Variants in DEUP1 observed in about 807,000 individuals in gnomAD.
DEUP1 encodes coiled-coil domain containing 67.
In DEUP1, 82 loss-of-function variants were observed where a neutral mutation model predicts 87.4. That is an observed-to-expected ratio of 0.94 (90% CI 0.78 to 1.13). The LOEUF is 1.13. Among genes scored for constraint, DEUP1 ranks in the 50% most tolerant of loss-of-function variants. DEUP1 has a pLI of 0.00. For missense variants in DEUP1, 663 were observed against 681.5 expected (o/e 0.97, Z 0.30); for synonymous variants, 214 against 222.7 (o/e 0.96, Z 0.35).
chr11:93,357,081 G>T lies in DEUP1; in HGVS notation c.297+38G>T, dbSNP rs1215266434. The T allele has an allele frequency of 7.1e-6, 9 of 1,267,746 alleles. No individual in the cohort carries two copies. The Admixed American group carries it at 8.0e-5, about 11-fold the overall frequency. 78.5% of individuals were successfully genotyped at this position (1,267,746 alleles called of 1,614,324 possible). On this transcript the variant is annotated intron_variant, in intron 4 of 13. Transcript: ENST00000298050. ...ATTATAATTTAATATCACACATTTT[G>T]ATATATTTTTTTTTACCTGTAGAGT... is the stretch of plus-strand genomic sequence containing the variant.
intron 11 of DEUP1, among the ~76,000 whole-genome samples, chr11:93,397,501 T>G (rs1410415381): frequency 6.6e-6 from 1 of 152,208 alleles, no homozygotes; most frequent in East Asian, 1.9e-4. Context: ...TATTTGTATT[T>G]TTTTTACATT....
rs1945705092 is a variant in DEUP1, at chr11:93,371,202, A to G, written c.711A>G (p.Ile237Met). The G allele has an allele frequency of 5.6e-6, 9 of 1,613,112 alleles. No individual in the cohort carries two copies. The highest frequency in any genetic ancestry group is 6.8e-6 in the Non-Finnish European group (8 of 1,179,416). ...IEKLKSAVNE[I>M]ALSRNKLQDE... ...AACTGAAATCAGCTGTAAATGAGAT[A>G]GCACTAAGCAGGAATAAATTACAAG... Residue 237 changes from isoleucine to methionine, a missense_variant, in exon 7 of 14, where the codon ATA becomes ATG. Coordinates refer to ENST00000298050, the MANE Select transcript of DEUP1 (RefSeq NM_181645.4).
At chr11:93,400,045 TATG>T (rs1453848859) in intron 11 of DEUP1, among the ~76,000 whole-genome samples, 2 of 152,144 alleles carry the variant, frequency 1.3e-5, no homozygotes, top group Non-Finnish European at 2.9e-5. Flanking sequence ...TTTTAGGAAA[TATG>T]ATGTTATGTG....
chr11:93,395,671 C>T lies in DEUP1; in HGVS notation c.1240-568C>T, dbSNP rs532649412. Among the ~76,000 whole-genome samples the T allele has an allele frequency of 2.4e-4, 37 of 152,002 alleles. No individual in the cohort carries two copies. The South Asian group carries it at 6.8e-3, about 28-fold the overall frequency. On this transcript the variant is annotated intron_variant, in intron 10 of 13. Transcript: ENST00000298050. Reference sequence around the variant, plus strand: ...TACAAAATTAAATCTTTTTAAGGCACGTGTTTTATACAGAAATGAGTCCTA... The same window carrying T: ...TACAAAATTAAATCTTTTTAAGGCATGTGTTTTATACAGAAATGAGTCCTA...
intron 7 of DEUP1, among the ~76,000 whole-genome samples, chr11:93,377,265 G>C (rs541758950): frequency 1.7e-3 from 264 of 152,230 alleles, no homozygotes; most frequent in Non-Finnish European, 3.4e-3. Context: ...CTTAGGTCTA[G>C]TGGTAATTGT....
Position 93,356,928 on chromosome 11 carries a change from A to G in DEUP1, c.202-20A>G, listed in dbSNP as rs1200029430. 5 of 1,531,454 alleles carry G rather than the reference A, an allele frequency of 3.3e-6. No individual in the cohort carries two copies. The African/African-American group carries it at 6.9e-5, about 21-fold the overall frequency. 94.9% of individuals were successfully genotyped at this position (1,531,454 alleles called of 1,614,324 possible). ...GGCAAAATTTAGAAAAAGCAAAATT[A>G]AATTTTATTCTTCATGCAGGTAGGG... On this transcript the variant is annotated intron_variant, in intron 3 of 13. Coordinates refer to ENST00000298050, the MANE Select transcript of DEUP1 (RefSeq NM_181645.4).
rs1405441332 is a variant in DEUP1, at chr11:93,408,262, G to T, written c.1358G>T (p.Arg453Met). 5.7e-6 allele frequency: 9 copies of T among 1,582,662 alleles called. No homozygotes were observed. The South Asian group carries it at 1.0e-4, about 18-fold the overall frequency. Reference sequence around the variant, plus strand: ...GACTTCACTAACAGGGAACAGTCAAGGCATACATCTATTAATAAACTGCAA... The same window carrying T: ...GACTTCACTAACAGGGAACAGTCAATGCATACATCTATTAATAAACTGCAA... ...SMDFTNREQS[R>M]HTSINKLQYE... The change falls in exon 12 of 14, where the codon AGG becomes ATG. Residue 453 changes from arginine to methionine, a missense_variant. Transcript: ENST00000298050.
At chr11:93,378,087 C>A (rs1479136959) in intron 7 of DEUP1, among the ~76,000 whole-genome samples, 13 of 152,016 alleles carry the variant, frequency 8.6e-5, no homozygotes, top group Non-Finnish European at 1.9e-4. Flanking sequence ...TGTGCCTAGG[C>A]AATGATCTTT....
rs1555068631 is a variant in DEUP1, at chr11:93,437,747, C to CG, written c.*28_*29insG. ...TTTTAAACTTTTTTATTTGCTTCCC[C>CG]CCCCCACCCCCGCCAAGAAAAAAAG... On this transcript the variant is annotated 3_prime_UTR_variant, in exon 14 of 14. Coordinates refer to ENST00000298050, the MANE Select transcript of DEUP1 (RefSeq NM_181645.4). 3.5e-4 allele frequency: 368 copies of CG among 1,052,654 alleles called. 4 individuals carry two copies. The highest frequency in any genetic ancestry group is 4.5e-4 in the Non-Finnish European group (334 of 736,954). The allele number at this position is 1,052,654 out of a possible 1,614,324, so 65.2% of individuals were successfully genotyped here. A position where few individuals can be genotyped will look rare whatever the true frequency, so the allele number is the denominator to read the frequency against.
At chr11:93,379,929 C>G (rs922197849) in intron 7 of DEUP1, among the ~76,000 whole-genome samples, 8 of 152,172 alleles carry the variant, frequency 5.3e-5, no homozygotes, top group Non-Finnish European at 1.0e-4. Flanking sequence ...ATTGTGAAGT[C>G]TTTTTACTTA....
rs1245475717 is a variant in DEUP1, at chr11:93,385,488, C to G, written c.880C>G (p.His294Asp). 6.2e-7 allele frequency: 1 copy of G among 1,611,108 alleles called. No individual in the cohort carries two copies. Among genetic ancestry groups the G allele is most frequent in the Non-Finnish European group, 8.5e-7 (1 of 1,178,382 alleles). Residue 294 changes from histidine (H) to aspartate (D), a missense_variant, in exon 8 of 14, where the codon CAC becomes GAC. Coordinates refer to ENST00000298050, the MANE Select transcript of DEUP1 (RefSeq NM_181645.4). ...TATAGAAATGGAACGATTGCAATTA[C>G]ACAGAGAATTATTAAAAATAGGAGA... ...RIIEMERLQLHRELLKIGECQ... is the reference protein window; with the variant it reads ...RIIEMERLQLDRELLKIGECQ...
intron 13 of DEUP1, among the ~76,000 whole-genome samples, chr11:93,416,744 C>A (rs541754329): frequency 6.6e-6 from 1 of 151,414 alleles, no homozygotes; most frequent in Middle Eastern, 3.4e-3. Context: ...AATTTTAGAC[C>A]AATATCCTTG....
intron 4 of DEUP1, among the ~76,000 whole-genome samples, chr11:93,362,860 CA>C (rs2134238797): frequency 6.6e-6 from 1 of 151,706 alleles, no homozygotes; most frequent in East Asian, 1.9e-4. Flanking sequence ...GAATATTATT[CA>C]GGTGAATTTT....
chr11:93,437,279 T>C (rs947369790), intron 13 of DEUP1, among the ~76,000 whole-genome samples: 6 of 152,264 alleles, frequency 3.9e-5, no homozygotes, highest in Non-Finnish European at 7.3e-5. Flanking sequence ...GTGAGTGCAT[T>C]GTCCCTGCAT....
chr11:93,415,622 C>T (rs1020976152), intron 13 of DEUP1, among the ~76,000 whole-genome samples: 9 of 151,884 alleles, frequency 5.9e-5, no homozygotes, highest in African/African-American at 2.2e-4. Flanking sequence ...ACTCATGTTC[C>T]CTTCCAGTCT....
intron 12 of DEUP1, among the ~76,000 whole-genome samples, chr11:93,413,372 G>T (rs1161477202): frequency 1.3e-5 from 2 of 152,020 alleles, no homozygotes; most frequent in Non-Finnish European, 2.9e-5. Context: ...CTCCTGAGTA[G>T]CTGGGACTAC....
chr11:93,435,927 T>C lies in DEUP1; in HGVS notation c.1639-1616T>C, dbSNP rs931277801. Among the ~76,000 whole-genome samples the C allele has an allele frequency of 3.4e-5, 5 of 145,536 alleles. No individual in the cohort carries two copies. The East Asian group carries it at 6.0e-4, about 18-fold the overall frequency. ...AGGAGAATGGCGTGAACCCGGGAGG[T>C]GGAGCTTGCAGTGAGCCGAGATCAC... is the stretch of plus-strand genomic sequence containing the variant. On this transcript the variant is annotated intron_variant, in intron 13 of 13. Transcript: ENST00000298050.
chr11:93,386,648 T>A lies in DEUP1; in HGVS notation c.935+1105T>A, dbSNP rs530166316. Among the ~76,000 whole-genome samples the A allele has an allele frequency of 2.6e-5, 4 of 152,292 alleles. No individual in the cohort carries two copies. The East Asian group carries it at 7.7e-4, about 29-fold the overall frequency. ...TCTATGCTTAATAACAAATGGCAAC[T>A]TAAGATCCCTAAAATGACCTATTTG... On this transcript the variant is annotated intron_variant, in intron 8 of 13. Transcript: ENST00000298050.
At chr11:93,356,780 G>A (rs1251271446) in intron 3 of DEUP1, among the ~76,000 whole-genome samples, 168 bp from the exon 4 acceptor site, 1 of 152,086 alleles carries the variant, frequency 6.6e-6, no homozygotes, top group African/African-American at 2.4e-5. Context: ...GCAATGTTTG[G>A]TTTTTGTGAA....
Sources: gnomAD v4.1 joint callset for allele counts (sites outside exome capture counted in the v4.1 genomes callset) on GRCh38, gnomAD v4.1.1 for gene constraint, MANE v1.5 for transcripts, NCBI Gene and HGNC (gene_info 2026-07-23, HGNC 2026-07-21) for gene names.